GNPTAB: variants seen among roughly 807,000 people sequenced by gnomAD.
The protein encoded by GNPTAB is N-acetylglucosamine-1-phosphotransferase subunits alpha/beta.
In GNPTAB, 92 loss-of-function variants were observed where a neutral mutation model predicts 136.6. The ratio of observed to expected loss-of-function variants is 0.67; its 90% CI spans 0.57 to 0.80. The LOEUF is 0.80. Among genes scored for constraint, GNPTAB ranks in the 30% least tolerant of loss-of-function variants. GNPTAB has a pLI of 0.00. For missense variants in GNPTAB, 1,343 were observed against 1,501.8 expected, an observed-to-expected ratio of 0.89 and a Z score of 1.75; for synonymous variants, 512 against 535.1, an observed-to-expected ratio of 0.96 and a Z score of 0.60.
chr12:101,814,019 CAGTGAGCCGAG>C (rs1870376599), intron 1 of GNPTAB, among the ~76,000 whole-genome samples: 1 of 151,190 alleles, frequency 6.6e-6, no homozygotes, highest in Admixed American at 6.6e-5. Context: ...GCGGAGGTTG[CAGTGAGCCGAG>C]ATCGCACCAC....
intron 2 of GNPTAB, among the ~76,000 whole-genome samples, chr12:101,791,971 C>T (rs4764653): frequency 0.62 from 94,150 of 152,044 alleles, 30,726 homozygotes; most frequent in East Asian, 0.92. Context: ...TGTGCCTTCA[C>T]GGAGCTTACA....
intron 19 of GNPTAB, among the ~76,000 whole-genome samples, chr12:101,751,146 C>T (rs1952811731): frequency 6.6e-6 from 1 of 152,222 alleles, no homozygotes; most frequent in African/African-American, 2.4e-5. Flanking sequence ...TCAAATACAG[C>T]CTTTCACAAT....
chr12:101,753,508 G>C lies in GNPTAB; in HGVS notation c.3466C>G (p.His1156Asp). 1 of 1,613,886 alleles carries C rather than the reference G, an allele frequency of 6.2e-7. No individual in the cohort carries two copies. Among genetic ancestry groups the C allele is most frequent in the Non-Finnish European group, 8.5e-7 (1 of 1,179,832 alleles). Residue 1156 changes from histidine to aspartate, a missense_variant, in exon 19 of 21, where the codon CAC becomes GAC. His to Asp is a moderately conservative substitution (Grantham distance 81). Coordinates refer to ENST00000299314, the MANE Select transcript of GNPTAB (RefSeq NM_024312.5). ...ACTGTCTGAGCATCTTTATGATTGT[G>C]GTCAATGTTGTCATTCAGGCAAACA... ...KFVCLNDNID[H>D]NHKDAQTVKA... is the part of the protein sequence containing the mutation.
intron 1 of GNPTAB, among the ~76,000 whole-genome samples, chr12:101,820,426 G>A (rs1032272658): frequency 1.3e-5 from 2 of 152,118 alleles, no homozygotes; most frequent in African/African-American, 4.8e-5. Flanking sequence ...TCCCAGGCCA[G>A]TCCTGTAGAC....
At chr12:101,757,418 A>C in intron 17 of GNPTAB, 108 bp from the exon 18 acceptor site, 1 of 795,136 alleles carries the variant, frequency 1.3e-6, no homozygotes. Flanking sequence ...CAACATCCAC[A>C]AAATAACTTA....
intron 1 of GNPTAB, among the ~76,000 whole-genome samples, chr12:101,804,258 A>C (rs1306326163): frequency 3.3e-5 from 5 of 151,818 alleles, no homozygotes; most frequent in South Asian, 4.2e-4. Context: ...TTGACAATGC[A>C]CTCTACTATA....
chr12:101,781,213 A>C (rs1195588854), intron 5 of GNPTAB, among the ~76,000 whole-genome samples: 1 of 152,190 alleles, frequency 6.6e-6, no homozygotes, highest in Non-Finnish European at 1.5e-5. Flanking sequence ...TGATGGGGAC[A>C]AGTGAGATCA....
chr12:101,781,832 T>C (rs1192040532), intron 5 of GNPTAB, among the ~76,000 whole-genome samples: 1 of 152,222 alleles, frequency 6.6e-6, no homozygotes, highest in Non-Finnish European at 1.5e-5. Context: ...CTCTTTCCAT[T>C]GATATGATGA....
intron 1 of GNPTAB, among the ~76,000 whole-genome samples, chr12:101,800,010 C>T (rs1464004123): frequency 6.6e-6 from 1 of 152,230 alleles, no homozygotes; most frequent in Non-Finnish European, 1.5e-5. Flanking sequence ...TTTCCATACA[C>T]TTGTACGTGT....
At chr12:101,807,657 C>CA (rs1404375063) in intron 1 of GNPTAB, among the ~76,000 whole-genome samples, 2 of 152,184 alleles carry the variant, frequency 1.3e-5, no homozygotes, top group African/African-American at 4.8e-5. Context: ...AAGGCCAGCA[C>CA]AGTGGCTCAC....
At position 101,761,737 on chromosome 12, in the gene GNPTAB, C is replaced by T; in HGVS notation, c.2742G>A (p.Leu914=). The T allele has an allele frequency of 6.2e-7, 1 of 1,613,210 alleles. No individual in the cohort carries two copies. Among genetic ancestry groups the T allele is most frequent in the Non-Finnish European group, 8.5e-7 (1 of 1,179,280 alleles). The change falls in exon 14 of 21, where the codon TTG becomes TTA. Residue 914 remains leucine (L), a synonymous_variant. Coordinates refer to ENST00000299314, the MANE Select transcript of GNPTAB (RefSeq NM_024312.5). ...TATTTTTGCTATCAGTGAAGTATGC[C>T]AATTGTGTCTTCAATGACTCTTCTT... is the stretch of plus-strand genomic sequence containing the variant. The part of the protein sequence containing the change: ...LDEEESLKTQ[L]AYFTDSKNTG...
chr12:101,802,381 T>A (rs548438004), intron 1 of GNPTAB, among the ~76,000 whole-genome samples: 170 of 152,212 alleles, frequency 1.1e-3, no homozygotes, highest in African/African-American at 4.0e-3. Flanking sequence ...CCCTCACCAA[T>A]TTGCTGATTA....
chr12:101,820,092 T>C (rs960641217), intron 1 of GNPTAB, among the ~76,000 whole-genome samples: 6 of 152,200 alleles, frequency 3.9e-5, no homozygotes, highest in South Asian at 4.1e-4. Flanking sequence ...TGGCACTTAA[T>C]TAGCTGAACG....
intron 1 of GNPTAB, among the ~76,000 whole-genome samples, chr12:101,809,731 G>C (rs187787550): frequency 5.9e-4 from 90 of 152,322 alleles, no homozygotes; most frequent in African/African-American, 2.1e-3. Flanking sequence ...AAGATCAGTG[G>C]TTGCCAGTGG....
chr12:101,753,446 G>A lies in GNPTAB; in HGVS notation c.3528C>T (p.Phe1176=). The change falls in exon 19 of 21, where the codon TTC becomes TTT. Residue 1176 remains phenylalanine (F), a synonymous_variant. Coordinates refer to ENST00000299314, the MANE Select transcript of GNPTAB (RefSeq NM_024312.5). ...AVLRDFYESM[F]PIPSQFELPR... Reference sequence around the variant, plus strand: ...GCAGTTCAAATTGGGAAGGTATGGGGAACATGGATTCATAGAAGTCCCTGA... The same window carrying A: ...GCAGTTCAAATTGGGAAGGTATGGGAAACATGGATTCATAGAAGTCCCTGA... 6.2e-7 allele frequency: 1 copy of A among 1,613,590 alleles called. No individual in the cohort carries two copies.
chr12:101,798,143 C>T (rs1869406510), intron 1 of GNPTAB, among the ~76,000 whole-genome samples: 1 of 152,224 alleles, frequency 6.6e-6, no homozygotes, highest in Admixed American at 6.5e-5. Context: ...CATTGTCAAA[C>T]TCAACGGCAT....
chr12:101,759,312 A>G (rs1566070317), intron 16 of GNPTAB, among the ~76,000 whole-genome samples: 1 of 151,198 alleles, frequency 6.6e-6, no homozygotes, highest in African/African-American at 2.4e-5. Flanking sequence ...GCAGTGAGCC[A>G]AGATAGCGCC....
intron 19 of GNPTAB, among the ~76,000 whole-genome samples, chr12:101,750,966 T>C (rs1594201628): frequency 6.6e-6 from 1 of 152,122 alleles, no homozygotes; most frequent in African/African-American, 2.4e-5. Flanking sequence ...TATACTTGTC[T>C]CCCTGCCTCC....
At chr12:101,828,647 G>C (rs1029392961) in intron 1 of GNPTAB, among the ~76,000 whole-genome samples, 8 of 151,874 alleles carry the variant, frequency 5.3e-5, no homozygotes, top group African/African-American at 1.9e-4. Flanking sequence ...CCGAGATTGC[G>C]CCATTGCACT....
Sources: gnomAD v4.1 joint callset for allele counts (sites outside exome capture counted in the v4.1 genomes callset) on GRCh38, gnomAD v4.1.1 for gene constraint, MANE v1.5 for transcripts, NCBI Gene and HGNC (gene_info 2026-07-23, HGNC 2026-07-21) for gene names.